Variants in CDH15 observed in about 807,000 individuals in gnomAD.
CDH15 encodes cadherin 15.
CDH15 carries 73 observed loss-of-function variants against 69.4 expected under a neutral mutation model. The observed-to-expected ratio is 1.05, with a 90% CI of 0.87 to 1.28. The LOEUF is 1.28. CDH15 is among the 50% of genes most tolerant of loss of function. The pLI is 0.00. For missense variants in CDH15, 1,343 were observed against 1,133.6 expected (o/e 1.18, Z -2.65); for synonymous variants, 624 against 507.7 (o/e 1.23, Z -3.08).
At chr16:89,187,602 T>C (rs759986408) in intron 6 of CDH15, 45 bp downstream of exon 6, 1 of 1,611,080 alleles carries the variant, frequency 6.2e-7, no homozygotes, top group Non-Finnish European at 8.5e-7. Flanking sequence ...TGCTTAGAGC[T>C]GCCTTCCCTT....
intron 1 of CDH15, among the ~76,000 whole-genome samples, chr16:89,178,185 G>T (rs1915298119): frequency 6.6e-6 from 1 of 152,208 alleles, no homozygotes; most frequent in South Asian, 2.1e-4. Context: ...AAAAGTTGCT[G>T]ACCGTCAGGA....
chr16:89,192,069 G>T, intron 10 of CDH15, 136 bp from the exon 11 acceptor site: 3 of 1,174,320 alleles, frequency 2.6e-6, no homozygotes, highest in Non-Finnish European at 3.5e-6. Flanking sequence ...GTTACTCATT[G>T]TGCCCAGAGG....
chr16:89,178,721 T>C (rs928678174), intron 1 of CDH15, among the ~76,000 whole-genome samples: 1 of 152,218 alleles, frequency 6.6e-6, no homozygotes, highest in Non-Finnish European at 1.5e-5. Flanking sequence ...GGCCGCTGTA[T>C]GAATTACGGA....
intron 10 of CDH15, 22 bp downstream of exon 10, chr16:89,191,916 G>A (rs375101546): frequency 3.9e-6 from 6 of 1,530,724 alleles, no homozygotes; most frequent in Admixed American, 3.9e-5. Context: ...TCACCGCCGC[G>A]CTCCCCCCAT....
At chr16:89,188,555 G>C (rs1176816505) in intron 7 of CDH15, among the ~76,000 whole-genome samples, 6 of 132,966 alleles carry the variant, frequency 4.5e-5, no homozygotes, top group Admixed American at 3.1e-4. Context: ...CCCACACACA[G>C]ATGCCGGCAC....
chr16:89,173,313 G>A (rs1474293979), intron 1 of CDH15, among the ~76,000 whole-genome samples: 2 of 152,182 alleles, frequency 1.3e-5, no homozygotes, highest in Non-Finnish European at 2.9e-5. Flanking sequence ...GCTGGCGCCT[G>A]TGAAAACATT....
intron 1 of CDH15, among the ~76,000 whole-genome samples, chr16:89,179,101 G>T (rs1915318262): frequency 6.6e-6 from 1 of 152,228 alleles, no homozygotes; most frequent in South Asian, 2.1e-4. Flanking sequence ...CTCGCCAGGG[G>T]CTGCAGACAG....
At chr16:89,183,395 C>G in intron 3 of CDH15, 153 bp from the exon 4 acceptor site, 3 of 829,252 alleles carry the variant, frequency 3.6e-6, no homozygotes, top group Non-Finnish European at 5.7e-6. Context: ...GTCACTGTGA[C>G]AGATGCCCCA....
rs201228695 is a variant in CDH15, at chr16:89,180,332, C to T, written c.334C>T (p.Arg112Cys). 2.5e-5 allele frequency: 41 copies of T among 1,612,534 alleles called. No homozygotes were observed. Among genetic ancestry groups the T allele is most frequent in the Non-Finnish European group, 3.1e-5 (36 of 1,179,604 alleles). ...GKVFLNAMLDREKTDRFRLRA... is the reference protein window; with the variant it reads ...GKVFLNAMLDCEKTDRFRLRA... ...GGTCTTCCTCAATGCCATGCTGGACCGCGAGAAGACTGATCGCTTCAGGGT... is the reference window on the plus strand; with the variant it reads ...GGTCTTCCTCAATGCCATGCTGGACTGCGAGAAGACTGATCGCTTCAGGGT... The change falls in exon 3 of 14, where the codon CGC becomes TGC. Residue 112 changes from arginine (R) to cysteine (C), a missense_variant. Transcript: ENST00000289746.
intron 3 of CDH15, chr16:89,183,075 G>A: frequency 6.3e-6 from 1 of 157,510 alleles, no homozygotes; most frequent in Non-Finnish European, 1.4e-5. Flanking sequence ...CCAGCTACTT[G>A]GGAGGCTGAG....
At position 89,195,159 on chromosome 16, in the gene CDH15, TG is replaced by T; in HGVS notation, c.*8del. On this transcript the variant is annotated 3_prime_UTR_variant, in exon 14 of 14. Coordinates refer to ENST00000289746, the MANE Select transcript of CDH15 (RefSeq NM_004933.3). ...ACACAGAGGCCGGACAGCCTGACCC[TG>T]GGGCGCAACTGGACATGCCACTCCC... The T allele has an allele frequency of 6.4e-7, 1 of 1,572,976 alleles. No homozygotes were observed.
At position 89,191,325 on chromosome 16, in the gene CDH15, A is replaced by T. The variant is rs1230988404; in HGVS notation, c.1233-5A>T. 2.5e-6 allele frequency: 4 copies of T among 1,612,652 alleles called. No homozygotes were observed. Among genetic ancestry groups the T allele is most frequent in the Non-Finnish European group, 3.4e-6 (4 of 1,179,982 alleles). ...AGATCCCACTCTTCCCCTCCCCTGCATCAGCTACTCCAAGGACTACGACCC... is the reference window on the plus strand; with the variant it reads ...AGATCCCACTCTTCCCCTCCCCTGCTTCAGCTACTCCAAGGACTACGACCC... On this transcript the variant is annotated splice_region_variant and splice_polypyrimidine_tract_variant and intron_variant, in intron 8 of 13. Coordinates refer to ENST00000289746, the MANE Select transcript of CDH15 (RefSeq NM_004933.3).
rs1335110867 is a variant in CDH15 at position 89,192,282 on chromosome 16, G to A, written c.1693G>A (p.Gly565Arg). Residue 565 changes from glycine (G) to arginine (R), a missense_variant, in exon 11 of 14, where the codon GGG becomes AGG. By Grantham distance (125) the Gly-to-Arg change is moderately radical (BLOSUM62 -2). Transcript: ENST00000289746. ...CCTCAGCCTGCTGCTCCGGGACTCG[G>A]GGCAGCCGCCCCAGCAGCGCGAGCA... ...HRLSLLLRDS[G>R]QPPQQREQPL... The A allele has an allele frequency of 1.3e-6, 2 of 1,531,592 alleles. No individual in the cohort carries two copies. Among genetic ancestry groups the A allele is most frequent in the Non-Finnish European group, 1.7e-6 (2 of 1,145,526 alleles). 94.9% of individuals were successfully genotyped at this position (1,531,592 alleles called of 1,614,324 possible).
At chr16:89,178,284 C>A (rs1042896679) in intron 1 of CDH15, among the ~76,000 whole-genome samples, 2 of 152,160 alleles carry the variant, frequency 1.3e-5, no homozygotes, top group African/African-American at 4.8e-5. Context: ...GTGGGGTGCA[C>A]AGCATCTCCC....
intron 1 of CDH15, among the ~76,000 whole-genome samples, chr16:89,174,137 C>T (rs1448311553): frequency 6.6e-6 from 1 of 152,226 alleles, no homozygotes; most frequent in Non-Finnish European, 1.5e-5. Flanking sequence ...GGGACAGCTG[C>T]CTCCATGCCT....
At chr16:89,189,906 A>G (rs567185710) in intron 7 of CDH15, among the ~76,000 whole-genome samples, 72 of 152,342 alleles carry the variant, frequency 4.7e-4, no homozygotes, top group African/African-American at 1.5e-3. Context: ...ACCTGAGTGG[A>G]TAAAGCCAAC....
intron 6 of CDH15, 126 bp downstream of exon 6, chr16:89,187,683 C>T (rs1172500166): frequency 1.4e-6 from 2 of 1,383,598 alleles, no homozygotes; most frequent in Non-Finnish European, 1.0e-6. Context: ...AGAAGGAACT[C>T]CGCGTGGGCG....
intron 1 of CDH15, 127 bp downstream of exon 1, chr16:89,172,000 C>A: frequency 3.0e-6 from 3 of 993,046 alleles, no homozygotes; most frequent in Non-Finnish European, 4.5e-6. Flanking sequence ...GGCCTGTGAG[C>A]GGAGTGGCTC....
At chr16:89,185,462 C>T in intron 5 of CDH15, 129 bp downstream of exon 5, 1 of 1,086,122 alleles carries the variant, frequency 9.2e-7, no homozygotes, top group South Asian at 1.3e-5. Context: ...CTTGCAGTGG[C>T]CCTGGCTCCT....
Sources: gnomAD v4.1 joint callset for allele counts (sites outside exome capture counted in the v4.1 genomes callset) on GRCh38, gnomAD v4.1.1 for gene constraint, MANE v1.5 for transcripts, NCBI Gene and HGNC (gene_info 2026-07-23, HGNC 2026-07-21) for gene names.